The following PLEKHH2 variants were observed in gnomAD, a reference collection of about 807,000 sequenced individuals.
PLEKHH2 encodes pleckstrin homology domain-containing family H member 2.
PLEKHH2 carries 129 observed loss-of-function variants against 187.9 expected under a neutral mutation model. The ratio of observed to expected loss-of-function variants is 0.69; its 90% CI spans 0.59 to 0.79. The LOEUF (loss-of-function observed/expected upper bound fraction) is 0.79, where lower values mean the gene tolerates loss of function less well. Among genes scored for constraint, PLEKHH2 ranks in the 30% least tolerant of loss-of-function variants. The pLI is 0.00. For missense variants in PLEKHH2, 2,076 were observed against 1,751.2 expected (o/e 1.19, Z -3.31); for synonymous variants, 686 against 605.6 (o/e 1.13, Z -1.95).
intron 19 of PLEKHH2, among the ~76,000 whole-genome samples, chr2:43,736,769 G>A (rs746696690): frequency 2.0e-5 from 3 of 152,104 alleles, no homozygotes; most frequent in African/African-American, 7.2e-5. Context: ...GGAGGCAGAA[G>A]TTGCGCTGAG....
chr2:43,725,168 G>GT lies in PLEKHH2; in HGVS notation c.2542-1096dup, dbSNP rs548744434. On this transcript the variant is annotated intron_variant, in intron 16 of 29. Coordinates refer to ENST00000282406, the MANE Select transcript of PLEKHH2 (RefSeq NM_172069.4). ...AGGTGTGCTATCTGTACAGAGCAGA[G>GT]TTTTTTTTATCAGCTCTGTCTCATT... 2.8e-3 allele frequency among the ~76,000 whole-genome samples: 430 copies of GT among 152,116 alleles called. 12 individuals are homozygous for GT. Among genetic ancestry groups the GT allele is most frequent in the Admixed American group, 0.028 (422 of 15,264 alleles).
At chr2:43,693,723 C>CAAAAAAAAAAAAAAAAA (rs70965316) in intron 4 of PLEKHH2, among the ~76,000 whole-genome samples, 11 of 69,654 alleles carry the variant, frequency 1.6e-4, no homozygotes, top group Admixed American at 3.4e-4. Context: ...GACTCCATCT[C>CAAAAAAAAAAAAAAAAA]AAAAAAAAAA....
intron 2 of PLEKHH2, among the ~76,000 whole-genome samples, chr2:43,666,461 A>C (rs955043690): frequency 6.8e-6 from 1 of 147,114 alleles, no homozygotes; most frequent in Non-Finnish European, 1.5e-5. Flanking sequence ...GGAGCTGTAG[A>C]CCGGAGCTGT....
intron 3 of PLEKHH2, among the ~76,000 whole-genome samples, chr2:43,683,208 C>T (rs1307998175): frequency 5.1e-5 from 7 of 138,390 alleles, no homozygotes; most frequent in South Asian, 2.3e-4. Context: ...TGCAATGGCA[C>T]GATCTTGGCT....
chr2:43,638,674 T>C (rs1703232539), intron 1 of PLEKHH2, among the ~76,000 whole-genome samples: 1 of 152,260 alleles, frequency 6.6e-6, no homozygotes, highest in Non-Finnish European at 1.5e-5. Flanking sequence ...GTCGGCTATG[T>C]TATATAGTTA....
intron 13 of PLEKHH2, 57 bp downstream of exon 13, chr2:43,710,387 C>G (rs1214913719): frequency 6.3e-7 from 1 of 1,577,652 alleles, no homozygotes; most frequent in Non-Finnish European, 8.7e-7. Context: ...AAATCAGACG[C>G]CTGATTGATT....
chr2:43,687,992 G>A lies in PLEKHH2; in HGVS notation c.187-4522G>A, dbSNP rs192346993. Among the ~76,000 whole-genome samples, 391 of 152,128 alleles carry A rather than the reference G, an allele frequency of 2.6e-3. 3 individuals carry two copies. The highest frequency in any genetic ancestry group is 8.8e-3 in the African/African-American group (366 of 41,498). ...TTTAGAATTTTTTTTGTAGAGATGC[G>A]TTCCCACTCTTTTGCCCAGGCTGGC... On this transcript the variant is annotated intron_variant, in intron 3 of 29. Coordinates refer to ENST00000282406, the MANE Select transcript of PLEKHH2 (RefSeq NM_172069.4).
At chr2:43,756,393 A>G (rs914144271) in intron 25 of PLEKHH2, among the ~76,000 whole-genome samples, 13 of 152,036 alleles carry the variant, frequency 8.6e-5, no homozygotes, top group Admixed American at 5.2e-4. Context: ...CCTGGGTTCA[A>G]GCGATTCTTC....
intron 9 of PLEKHH2, among the ~76,000 whole-genome samples, chr2:43,705,171 A>G (rs970197023): frequency 6.6e-6 from 1 of 151,640 alleles, no homozygotes; most frequent in Non-Finnish European, 1.5e-5. Flanking sequence ...TCCCACCACT[A>G]ATTCATATGT....
chr2:43,651,609 T>A (rs1666475896), intron 2 of PLEKHH2, among the ~76,000 whole-genome samples: 1 of 152,222 alleles, frequency 6.6e-6, no homozygotes, highest in Non-Finnish European at 1.5e-5. Context: ...CATATAGTTC[T>A]GTATAACTAT....
At chr2:43,686,694 A>C (rs546339264) in intron 3 of PLEKHH2, among the ~76,000 whole-genome samples, 96 of 152,346 alleles carry the variant, frequency 6.3e-4, no homozygotes, top group African/African-American at 2.3e-3. Flanking sequence ...TACTATGCCA[A>C]AATAATTGTG....
intron 2 of PLEKHH2, among the ~76,000 whole-genome samples, chr2:43,657,227 G>A (rs1320628592): frequency 6.6e-6 from 1 of 152,182 alleles, no homozygotes; most frequent in African/African-American, 2.4e-5. Flanking sequence ...GGATATCCAA[G>A]ATGATTTCAC....
chr2:43,693,121 GA>G (rs1163992684), intron 4 of PLEKHH2, among the ~76,000 whole-genome samples: 1 of 151,492 alleles, frequency 6.6e-6, no homozygotes, highest in Non-Finnish European at 1.5e-5. Flanking sequence ...TTTAAGAAGA[GA>G]AAGGGTTTTG....
At chr2:43,739,092 T>C (rs558489188) in intron 20 of PLEKHH2, among the ~76,000 whole-genome samples, 18 of 152,324 alleles carry the variant, frequency 1.2e-4, no homozygotes, top group African/African-American at 4.1e-4. Flanking sequence ...GGTTTCACCA[T>C]GTTGGTCAGG....
intron 2 of PLEKHH2, among the ~76,000 whole-genome samples, chr2:43,668,031 T>C (rs1272375278): frequency 6.6e-6 from 1 of 152,176 alleles, no homozygotes; most frequent in African/African-American, 2.4e-5. Context: ...CATTCTTTTT[T>C]GTTGTTGTTG....
At chr2:43,652,076 G>C (rs1188524607) in intron 2 of PLEKHH2, among the ~76,000 whole-genome samples, 2 of 152,184 alleles carry the variant, frequency 1.3e-5, no homozygotes, top group African/African-American at 2.4e-5. Flanking sequence ...GAGAGGGTGG[G>C]AGAGTATCTG....
intron 2 of PLEKHH2, among the ~76,000 whole-genome samples, chr2:43,659,509 G>C (rs568081655): frequency 7.3e-4 from 111 of 151,202 alleles, no homozygotes; most frequent in Admixed American, 4.7e-3. Context: ...TTTGACCATT[G>C]ATATTGTTAT....
chr2:43,644,699 G>C lies in PLEKHH2; in HGVS notation c.26G>C (p.Gly9Ala), dbSNP rs774384857. Reference protein sequence around the residue: MAELSEPEGPVDWKERCVA... With the variant: MAELSEPEAPVDWKERCVA... Reference sequence around the variant, plus strand: ...ATGGCAGAGCTTTCTGAGCCAGAGGGACCAGTAGATTGGAAGGAACGATGT... The same window carrying C: ...ATGGCAGAGCTTTCTGAGCCAGAGGCACCAGTAGATTGGAAGGAACGATGT... The change falls in exon 2 of 30, where the codon GGA (glycine) becomes GCA (alanine). Residue 9 changes from glycine to alanine, a missense_variant. Physicochemically the swap from Gly to Ala is moderately conservative, Grantham distance 60. Coordinates refer to ENST00000282406, the MANE Select transcript of PLEKHH2 (RefSeq NM_172069.4). The C allele has an allele frequency of 3.1e-6, 5 of 1,604,808 alleles. No homozygotes were observed. The Admixed American group carries it at 6.7e-5, about 22-fold the overall frequency.
intron 2 of PLEKHH2, among the ~76,000 whole-genome samples, chr2:43,657,423 CA>C (rs1666844315): frequency 6.6e-6 from 1 of 152,158 alleles, no homozygotes; most frequent in African/African-American, 2.4e-5. Flanking sequence ...AAACCGCTCC[CA>C]AGGTAGCCAG....
Sources: gnomAD v4.1 joint callset for allele counts (sites outside exome capture counted in the v4.1 genomes callset) on GRCh38, gnomAD v4.1.1 for gene constraint, MANE v1.5 for transcripts, NCBI Gene and HGNC (gene_info 2026-07-23, HGNC 2026-07-21) for gene names.